Variants in SLCO1B3 observed in about 807,000 individuals in gnomAD.
The protein encoded by SLCO1B3 is liver-specific organic anion transporter 2.
Under a neutral mutation model 71.8 loss-of-function variants are expected in SLCO1B3, and 72 were observed. That is an observed-to-expected ratio of 1.00 (90% CI 0.83 to 1.22). The LOEUF (loss-of-function observed/expected upper bound fraction) is 1.22. Among genes scored for constraint, SLCO1B3 ranks in the 50% most tolerant of loss-of-function variants. SLCO1B3 has a pLI of 0.00. For synonymous variants in SLCO1B3, 298 were observed against 278.4 expected (o/e 1.07, Z -0.70); for missense variants, 911 against 819.7 (o/e 1.11, Z -1.36).
At chr12:20,814,508 G>T (rs1230125080) in intron 2 of SLCO1B3, among the ~76,000 whole-genome samples, 3 of 152,056 alleles carry the variant, frequency 2.0e-5, no homozygotes, top group Non-Finnish European at 4.4e-5. Flanking sequence ...TTAATATAAA[G>T]TATATACAGA....
chr12:20,815,653 A>G (rs1864178852), intron 2 of SLCO1B3, 21 bp from the exon 3 acceptor site: 1 of 834,170 alleles, frequency 1.2e-6, no homozygotes, highest in East Asian at 2.6e-5. Context: ...AAAATAAATT[A>G]TACTTTTTCT....
intron 13 of SLCO1B3, among the ~76,000 whole-genome samples, chr12:20,884,891 A>G (rs1051044142): frequency 1.3e-5 from 2 of 152,182 alleles, no homozygotes; most frequent in Admixed American, 1.3e-4. Flanking sequence ...TCTTAAATTC[A>G]TACCATAAAT....
intron 9 of SLCO1B3, among the ~76,000 whole-genome samples, chr12:20,877,194 A>G (rs1332455909): frequency 6.6e-6 from 1 of 152,180 alleles, no homozygotes; most frequent in African/African-American, 2.4e-5. Flanking sequence ...AGAATAAAGA[A>G]GATAATAAGG....
intron 3 of SLCO1B3, among the ~76,000 whole-genome samples, chr12:20,849,010 T>G (rs1864968843): frequency 6.6e-6 from 1 of 151,994 alleles, no homozygotes; most frequent in South Asian, 2.1e-4. Context: ...TGTAAACAAA[T>G]GTACCACACC....
At chr12:20,836,889 C>A (rs971575561) in intron 3 of SLCO1B3, among the ~76,000 whole-genome samples, 1 of 152,208 alleles carries the variant, frequency 6.6e-6, no homozygotes, top group Non-Finnish European at 1.5e-5. Context: ...GATCCGCCTA[C>A]CTTGGCCTCC....
chr12:20,863,282 T>C (rs897868685), intron 8 of SLCO1B3, among the ~76,000 whole-genome samples: 6 of 152,152 alleles, frequency 3.9e-5, no homozygotes, highest in Non-Finnish European at 8.8e-5. Context: ...GAGGCCACAG[T>C]GCACTTTGGT....
rs374153422 is a variant in SLCO1B3, at chr12:20,858,438, G to C, written c.227-1G>C. The C allele has an allele frequency of 1.8e-5, 29 of 1,579,226 alleles. No homozygotes were observed. Among genetic ancestry groups the C allele is most frequent in the Non-Finnish European group, 2.3e-5 (27 of 1,150,098 alleles). Reference sequence around the variant, plus strand: ...TCAACATAATTTTGTTTTTTTTCTAGGAAATTTGCTTGTGATTGTATTTGT... The same window carrying C: ...TCAACATAATTTTGTTTTTTTTCTACGAAATTTGCTTGTGATTGTATTTGT... On this transcript the variant is annotated splice_acceptor_variant, in intron 4 of 15. Coordinates refer to ENST00000381545, the MANE Select transcript of SLCO1B3 (RefSeq NM_019844.4). LOFTEE classifies it high-confidence loss of function.
chr12:20,895,072 A>G (rs1306633022), intron 13 of SLCO1B3, among the ~76,000 whole-genome samples: 2 of 152,176 alleles, frequency 1.3e-5, no homozygotes, highest in African/African-American at 4.8e-5. Context: ...ACAGCATGGG[A>G]AAGACCACGA....
rs4149123 is a variant in SLCO1B3 at position 20,863,009 on chromosome 12, A to G, written c.727+155A>G. Among the ~76,000 whole-genome samples, 20 of 152,346 alleles carry G rather than the reference A, an allele frequency of 1.3e-4. No individual in the cohort carries two copies. In the East Asian group the frequency reaches 3.9e-3, roughly 29 times the overall value. ...AAATCCATTAATAATCAGAATAAAA[A>G]AGAAATTTAGCTCCTATTTATACTT... On this transcript the variant is annotated intron_variant, in intron 8 of 15. Coordinates refer to ENST00000381545, the MANE Select transcript of SLCO1B3 (RefSeq NM_019844.4).
chr12:20,878,806 A>G (rs1228420306), intron 10 of SLCO1B3, among the ~76,000 whole-genome samples: 1 of 152,162 alleles, frequency 6.6e-6, no homozygotes, highest in Non-Finnish European at 1.5e-5. Flanking sequence ...AACAGGGATC[A>G]GTCATTTTTA....
intron 5 of SLCO1B3, among the ~76,000 whole-genome samples, chr12:20,859,481 CTGTT>C (rs1410541124): frequency 2.0e-5 from 3 of 149,080 alleles, no homozygotes; most frequent in Non-Finnish European, 4.5e-5. Context: ...CATATGAATT[CTGTT>C]TTTTTCCCCC....
chr12:20,869,189 G>T (rs1865431102), intron 8 of SLCO1B3, among the ~76,000 whole-genome samples: 1 of 152,154 alleles, frequency 6.6e-6, no homozygotes, highest in East Asian at 1.9e-4. Flanking sequence ...GTTGTTCCTT[G>T]ACACTTCTTG....
At chr12:20,904,217 G>A (rs1866186710) in intron 15 of SLCO1B3, among the ~76,000 whole-genome samples, 1 of 145,734 alleles carries the variant, frequency 6.9e-6, no homozygotes, top group Non-Finnish European at 1.5e-5. Flanking sequence ...TGCAGCCTGG[G>A]CAACAGAGCG....
chr12:20,864,680 C>T (rs547554611), intron 8 of SLCO1B3, among the ~76,000 whole-genome samples: 1 of 152,238 alleles, frequency 6.6e-6, no homozygotes, highest in East Asian at 1.9e-4. Context: ...TGTAGCCTCT[C>T]TATTCAGAAA....
At chr12:20,876,354 G>A (rs1440942431) in intron 9 of SLCO1B3, among the ~76,000 whole-genome samples, 1 of 152,096 alleles carries the variant, frequency 6.6e-6, no homozygotes, top group Non-Finnish European at 1.5e-5. Context: ...AGGGAGAAAT[G>A]GTGAAGTAGT....
intron 5 of SLCO1B3, among the ~76,000 whole-genome samples, chr12:20,859,504 T>TGGC (rs1038181161): frequency 3.5e-5 from 5 of 142,108 alleles, no homozygotes; most frequent in African/African-American, 1.2e-4. Context: ...CCTCTACATT[T>TGGC]GGCCCTTATA....
At chr12:20,845,233 G>A (rs2121188055) in intron 3 of SLCO1B3, 2 of 422,852 alleles carry the variant, frequency 4.7e-6, no homozygotes, top group Non-Finnish European at 9.5e-6. Flanking sequence ...GGTCTTGTAT[G>A]ATTCTACCAG....
At chr12:20,811,904 C>CCTTTTTT (rs1864115436) in intron 1 of SLCO1B3, among the ~76,000 whole-genome samples, 1 of 94,668 alleles carries the variant, frequency 1.1e-5, no homozygotes, top group Admixed American at 1.6e-4. Context: ...TTACTTGATA[C>CCTTTTTT]ATTTTTTTTT....
In SLCO1B3 at chr12:20,875,327, A is replaced by G. The variant is rs1391018422; in HGVS notation, c.820A>G (p.Ile274Val). 8.7e-6 allele frequency: 14 copies of G among 1,613,300 alleles called. No homozygotes were observed. The East Asian group carries it at 2.7e-4, about 31-fold the overall frequency. The change falls in exon 9 of 16, where the codon ATA becomes GTA. Residue 274 changes from isoleucine to valine, a missense_variant. Coordinates refer to ENST00000381545, the MANE Select transcript of SLCO1B3 (RefSeq NM_019844.4). ...VSGLFSIISS[I>V]PFFFLPKNPN... ...TGGACTATTTTCCATTATTTCTTCCATACCATTTTTTTTCTTGCCGAAAAA... is the reference window on the plus strand; with the variant it reads ...TGGACTATTTTCCATTATTTCTTCCGTACCATTTTTTTTCTTGCCGAAAAA...
Sources: gnomAD v4.1 joint callset for allele counts (sites outside exome capture counted in the v4.1 genomes callset) on GRCh38, gnomAD v4.1.1 for gene constraint, MANE v1.5 for transcripts, NCBI Gene and HGNC (gene_info 2026-07-23, HGNC 2026-07-21) for gene names.